Variants in MYO3B observed in about 807,000 individuals in gnomAD.
MYO3B encodes the protein myosin IIIB, also known as myosin-IIIb.
In MYO3B, 156 loss-of-function variants were observed where a neutral mutation model predicts 174.6. The ratio of observed to expected loss-of-function variants is 0.89; its 90% CI spans 0.78 to 1.02. MYO3B has a LOEUF of 1.02. Ranked by LOEUF, MYO3B falls within the 50% of genes least tolerant of loss-of-function variation. The pLI is 0.00. For missense variants in MYO3B, 1,632 were observed against 1,639.4 expected, an observed-to-expected ratio of 1.00 and a Z score of 0.08; for synonymous variants, 563 against 569.1, an observed-to-expected ratio of 0.99 and a Z score of 0.15.
At chr2:170,318,962 A>G (rs2105489107) in intron 7 of MYO3B, among the ~76,000 whole-genome samples, 1 of 152,336 alleles carries the variant, frequency 6.6e-6, no homozygotes, top group Non-Finnish European at 1.5e-5. Context: ...AGAAGAAAGA[A>G]TAGGAAAGGC....
intron 25 of MYO3B, among the ~76,000 whole-genome samples, chr2:170,478,996 T>C (rs188964641): frequency 7.3e-5 from 11 of 150,856 alleles, no homozygotes; most frequent in South Asian, 4.2e-4. Context: ...TACAAATATA[T>C]ATTATGGCTG....
intron 6 of MYO3B, among the ~76,000 whole-genome samples, chr2:170,223,696 A>G (rs900811792): frequency 4.6e-5 from 7 of 152,220 alleles, no homozygotes; most frequent in Non-Finnish European, 8.8e-5. Context: ...ATTAATGGTA[A>G]TGGCAGGGGG....
At chr2:170,350,786 T>A (rs17425321) in intron 8 of MYO3B, 1 of 152,144 alleles carries the variant, frequency 6.6e-6, no homozygotes, top group Non-Finnish European at 1.5e-5. Context: ...GCTTAATAGC[T>A]TCACACTAAT....
At chr2:170,415,346 A>G (rs2105838703) in intron 22 of MYO3B, among the ~76,000 whole-genome samples, 1 of 152,308 alleles carries the variant, frequency 6.6e-6, no homozygotes, top group South Asian at 2.1e-4. Flanking sequence ...CCTATCTAAA[A>G]TTTCAACCTA....
At chr2:170,334,394 T>A (rs908783278) in intron 7 of MYO3B, 18 of 152,200 alleles carry the variant, frequency 1.2e-4, no homozygotes, top group African/African-American at 4.3e-4. Context: ...TGTATATTTA[T>A]TTCTGGTAAT....
chr2:170,512,071 T>C (rs1349311854), intron 28 of MYO3B, among the ~76,000 whole-genome samples: 2 of 152,206 alleles, frequency 1.3e-5, no homozygotes, highest in East Asian at 3.8e-4. Context: ...GGAAAACACT[T>C]ACCAGGGAAG....
At position 170,246,529 on chromosome 2, in the gene MYO3B, GACACACAC is replaced by G. The variant is rs58936698; in HGVS notation, c.749+10424_749+10431del. ...ATAAGAAGAGGAAAATTTGGACATG[GACACACAC>G]ACACACACACACACACACACACACA... is the stretch of plus-strand genomic sequence containing the variant. On this transcript the variant is annotated intron_variant, in intron 7 of 34. Coordinates refer to ENST00000408978, the MANE Select transcript of MYO3B (RefSeq NM_138995.5). 3.8e-4 allele frequency among the ~76,000 whole-genome samples: 53 copies of G among 140,274 alleles called. No homozygotes were observed. The Middle Eastern group carries it at 0.014, about 38-fold the overall frequency. 92.0% of individuals were successfully genotyped at this position (140,274 alleles called of 152,430 possible). A position where few individuals can be genotyped will look rare whatever the true frequency, so the allele number is the denominator to read the frequency against.
intron 32 of MYO3B, among the ~76,000 whole-genome samples, chr2:170,624,864 A>C (rs1696265028): frequency 6.6e-6 from 1 of 152,166 alleles, no homozygotes; most frequent in South Asian, 2.1e-4. Flanking sequence ...ATGATGGATT[A>C]AGTTTATTGA....
rs115992990 is a variant in MYO3B, at chr2:170,360,339, T to A, written c.816-8883T>A. 9.5e-3 allele frequency among the ~76,000 whole-genome samples: 1,440 copies of A among 152,246 alleles called. 26 individuals are homozygous for A. The highest frequency in any genetic ancestry group is 0.033 in the African/African-American group (1,358 of 41,534). On this transcript the variant is annotated intron_variant, in intron 8 of 34. Transcript: ENST00000408978. ...CATGACTGTTTGTCAAAATGGAAAT[T>A]GATTTTCGAATCAAAGAAATGAGCC...
intron 30 of MYO3B, among the ~76,000 whole-genome samples, chr2:170,522,313 C>T (rs1688719483): frequency 6.6e-6 from 1 of 152,124 alleles, no homozygotes; most frequent in Non-Finnish European, 1.5e-5. Flanking sequence ...CCTAAAGCAC[C>T]TCCTCCACTC....
At chr2:170,601,937 G>T (rs1156324850) in intron 32 of MYO3B, 4 of 825,834 alleles carry the variant, frequency 4.8e-6, no homozygotes, top group Admixed American at 2.1e-5. Flanking sequence ...GCCGAAGGAG[G>T]CCTCTTGGGT....
chr2:170,425,301 A>C lies in MYO3B; in HGVS notation c.2650+17457A>C, dbSNP rs943099277. The stretch of plus-strand genomic sequence containing the variant: ...CCATATGTTAGAAGCATATAAAGTT[A>C]ATCATTTTGCTTTGGTGCCAACGTG... On this transcript the variant is annotated intron_variant, in intron 22 of 34. Coordinates refer to ENST00000408978, the MANE Select transcript of MYO3B (RefSeq NM_138995.5). Among the ~76,000 whole-genome samples, 3 of 152,224 alleles carry C rather than the reference A, an allele frequency of 2.0e-5. No individual in the cohort carries two copies. The South Asian group carries it at 6.2e-4, about 32-fold the overall frequency.
Position 170,537,209 on chromosome 2 carries a change from AAAAAAAC to A in MYO3B, c.3576-5684_3576-5678del, listed in dbSNP as rs1285853438. Among the ~76,000 whole-genome samples, 242 of 116,964 alleles carry A rather than the reference AAAAAAAC, an allele frequency of 2.1e-3. 2 individuals are homozygous for A. Among genetic ancestry groups the A allele is most frequent in the African/African-American group, 7.5e-3 (226 of 30,268 alleles). The allele number at this position is 116,964 out of a possible 152,430, so 76.7% of individuals were successfully genotyped here. ...GTGCGAGACTCTGTCTCAAAAAAAA[AAAAAAAC>A]AAAAAACAAAAAGTATCCTGGTCTC... On this transcript the variant is annotated intron_variant, in intron 30 of 34. Transcript: ENST00000408978.
intron 3 of MYO3B, among the ~76,000 whole-genome samples, chr2:170,212,504 C>T (rs752599371): frequency 1.3e-5 from 2 of 152,196 alleles, no homozygotes; most frequent in Non-Finnish European, 2.9e-5. Flanking sequence ...TTAAGCCCTA[C>T]GCCTGGATGC....
At chr2:170,341,666 C>T (rs1347329067) in intron 8 of MYO3B, among the ~76,000 whole-genome samples, 1 of 152,106 alleles carries the variant, frequency 6.6e-6, no homozygotes, top group Non-Finnish European at 1.5e-5. Context: ...AGTTAACCCC[C>T]CCCAAATTAT....
At chr2:170,202,904 A>G (rs75945667) in intron 3 of MYO3B, among the ~76,000 whole-genome samples, 5,141 of 152,276 alleles carry the variant, frequency 0.034, 348 homozygotes, top group East Asian at 0.3. Flanking sequence ...CCACAGAGCA[A>G]TTCTAGAGGA....
intron 23 of MYO3B, among the ~76,000 whole-genome samples, chr2:170,458,348 G>A (rs1684033901): frequency 2.0e-5 from 3 of 152,292 alleles, no homozygotes; most frequent in Middle Eastern, 3.4e-3. Flanking sequence ...TGGCACATGA[G>A]TGTAACAGGT....
chr2:170,300,465 G>A (rs373602201), intron 7 of MYO3B, among the ~76,000 whole-genome samples: 1 of 152,186 alleles, frequency 6.6e-6, no homozygotes. Flanking sequence ...CTGAATCTCT[G>A]ACCCCAAACA....
At chr2:170,184,694 G>C (rs767813846) in intron 1 of MYO3B, among the ~76,000 whole-genome samples, 7 of 151,960 alleles carry the variant, frequency 4.6e-5, no homozygotes, top group Non-Finnish European at 8.8e-5. Flanking sequence ...TTTCCTTTGG[G>C]GTGTACCTAG....
Sources: gnomAD v4.1 joint callset for allele counts (sites outside exome capture counted in the v4.1 genomes callset) on GRCh38, gnomAD v4.1.1 for gene constraint, MANE v1.5 for transcripts, NCBI Gene and HGNC (gene_info 2026-07-23, HGNC 2026-07-21) for gene names.